PLEKHA1: variants seen among roughly 807,000 people sequenced by gnomAD.
The protein encoded by PLEKHA1 is pleckstrin homology domain-containing family A member 1.
Under a neutral mutation model 52.0 loss-of-function variants are expected in PLEKHA1, and 34 were observed. The observed-to-expected ratio is 0.65, with a 90% CI of 0.50 to 0.87. The LOEUF is 0.87. Among genes scored for constraint, PLEKHA1 ranks in the 40% least tolerant of loss-of-function variants. The pLI, the probability that PLEKHA1 is intolerant of heterozygous loss-of-function variation, is 0.00. For missense variants in PLEKHA1, 497 were observed against 504.2 expected (o/e 0.99, Z 0.14); for synonymous variants, 163 against 170.7 (o/e 0.95, Z 0.35).
Position 122,424,896 on chromosome 10 carries a change from C to A in PLEKHA1, c.747C>A (p.Ser249Arg). 1 of 1,605,596 alleles carries A rather than the reference C, an allele frequency of 6.2e-7. No individual in the cohort carries two copies. The highest frequency in any genetic ancestry group is 8.5e-7 in the Non-Finnish European group (1 of 1,176,174). ...EVHKVQECKQ[S>R]DIMMRDNLFE... Reference sequence around the variant, plus strand: ...ATAATTGGATTTTTTTTTCATACAGCGACATAATGATGAGGGACAACCTCT... The same window carrying A: ...ATAATTGGATTTTTTTTTCATACAGAGACATAATGATGAGGGACAACCTCT... Residue 249 changes from serine (S) to arginine (R), a missense_variant and splice_region_variant, in exon 10 of 12, where the codon AGC becomes AGA. Coordinates refer to ENST00000368990, the MANE Select transcript of PLEKHA1 (RefSeq NM_001001974.4).
chr10:122,430,218 T>C lies in PLEKHA1; in HGVS notation c.*280T>C. 2 of 277,668 alleles carry C rather than the reference T, an allele frequency of 7.2e-6. No individual in the cohort carries two copies. The highest frequency in any genetic ancestry group is 1.3e-5 in the Non-Finnish European group (2 of 150,418). The allele number at this position is 277,668 out of a possible 1,614,324, so 17.2% of individuals were successfully genotyped here. A position where few individuals can be genotyped will look rare whatever the true frequency, so the allele number is the denominator to read the frequency against. ...TCGGGTGGTAACAATGTATGTGTAATATTTTTTTCTTAGTGATTTTGACAG... is the reference window on the plus strand; with the variant it reads ...TCGGGTGGTAACAATGTATGTGTAACATTTTTTTCTTAGTGATTTTGACAG... On this transcript the variant is annotated 3_prime_UTR_variant, in exon 12 of 12. Transcript: ENST00000368990.
At chr10:122,425,713 C>CAAAA (rs11367637) in intron 10 of PLEKHA1, 4 of 99,272 alleles carry the variant, frequency 4.0e-5, no homozygotes, top group African/African-American at 1.2e-4. Flanking sequence ...GACCCTGTCT[C>CAAAA]AAAAAAAAAA....
intron 6 of PLEKHA1, among the ~76,000 whole-genome samples, chr10:122,414,892 G>GT (rs35904241): frequency 0.29 from 43,187 of 148,926 alleles, 7,216 homozygotes; most frequent in Admixed American, 0.38. Flanking sequence ...TTTATGTTTT[G>GT]TTTTTTTTTT....
At chr10:122,395,556 A>T (rs752100400) in intron 2 of PLEKHA1, among the ~76,000 whole-genome samples, 1 of 152,152 alleles carries the variant, frequency 6.6e-6, no homozygotes, top group Non-Finnish European at 1.5e-5. Flanking sequence ...ATTGAACCAT[A>T]TGAAATTGCT....
At position 122,392,105 on chromosome 10, in the gene PLEKHA1, G is replaced by A. The variant is rs1465208201; in HGVS notation, c.-20-1076G>A. Among the ~76,000 whole-genome samples, 3 of 152,276 alleles carry A rather than the reference G, an allele frequency of 2.0e-5. No individual in the cohort carries two copies. In the East Asian group the frequency reaches 5.8e-4, roughly 29 times the overall value. On this transcript the variant is annotated intron_variant, in intron 1 of 11. Transcript: ENST00000368990. The stretch of plus-strand genomic sequence containing the variant: ...CACATCAAGAAGGAATCACATGTCT[G>A]TAGTCTCTAGAGAAACAGTTCTTGG...
chr10:122,415,719 C>T, intron 6 of PLEKHA1, 140 bp from the exon 7 acceptor site: 1 of 806,870 alleles, frequency 1.2e-6, no homozygotes, highest in East Asian at 2.7e-5. Context: ...GAGTAAGTAT[C>T]TCAGATTAAT....
intron 2 of PLEKHA1, among the ~76,000 whole-genome samples, chr10:122,394,125 A>T: frequency 7.5e-6 from 1 of 133,010 alleles, no homozygotes; most frequent in African/African-American, 2.8e-5. Flanking sequence ...CCCAGGCTGG[A>T]ATGCAGCGGT....
intron 8 of PLEKHA1, chr10:122,418,302 G>A (rs1015766965): frequency 9.5e-6 from 2 of 210,656 alleles, no homozygotes; most frequent in African/African-American, 2.3e-5. Flanking sequence ...ACATGGGGAA[G>A]GGGTGGTGGC....
chr10:122,423,575 A>G (rs2421015), intron 8 of PLEKHA1: 7,424 of 152,394 alleles, frequency 0.049, 238 homozygotes, highest in East Asian at 0.14. Flanking sequence ...TACTAGAAAT[A>G]TGCTATTAGG....
intron 1 of PLEKHA1, among the ~76,000 whole-genome samples, chr10:122,390,826 C>CTGGA (rs57333050): frequency 0.48 from 72,317 of 151,438 alleles, 17,818 homozygotes; most frequent in East Asian, 0.62. Flanking sequence ...AGTAGAATGG[C>CTGGA]TGGATCATAT....
chr10:122,393,106 T>G lies in PLEKHA1; in HGVS notation c.-20-75T>G. 1.6e-6 allele frequency: 2 copies of G among 1,227,214 alleles called. No homozygotes were observed. The highest frequency in any genetic ancestry group is 2.2e-6 in the Non-Finnish European group (2 of 906,144). 76.0% of individuals were successfully genotyped at this position (1,227,214 alleles called of 1,614,324 possible). A position where few individuals can be genotyped will look rare whatever the true frequency, so the allele number is the denominator to read the frequency against. ...TAATGTTGGCAAGTTGCCCCCTCAT[T>G]GAACAGATTTGCAGTCCATGAGAAA... On this transcript the variant is annotated intron_variant, in intron 1 of 11. Coordinates refer to ENST00000368990, the MANE Select transcript of PLEKHA1 (RefSeq NM_001001974.4). The surrounding 1 kb of genome is among the most constrained non-coding windows in gnomAD (Gnocchi z 4.5).
At chr10:122,429,531 T>TG in intron 11 of PLEKHA1, 93 bp from the exon 12 acceptor site, 53 of 1,016,020 alleles carry the variant, frequency 5.2e-5, no homozygotes, top group Non-Finnish European at 6.4e-5. Context: ...TGTGTGTGTG[T>TG]TTTATTTGTT....
chr10:122,439,155 CTTTAA>C, the PLEKHA1 span: 81 of 152,270 alleles, frequency 5.3e-4, no homozygotes, highest in African/African-American at 1.8e-3. Context: ...TTTTATCCCT[CTTTAA>C]TTTGGTGAAA....
intron 4 of PLEKHA1, among the ~76,000 whole-genome samples, chr10:122,402,757 C>T (rs1002806990): frequency 6.6e-6 from 1 of 152,122 alleles, no homozygotes; most frequent in Admixed American, 6.5e-5. Context: ...GTGGTGTCTC[C>T]AGAAATAGAA....
At chr10:122,380,506 G>A (rs113641950) in intron 1 of PLEKHA1, among the ~76,000 whole-genome samples, 4 of 152,226 alleles carry the variant, frequency 2.6e-5, no homozygotes, top group African/African-American at 7.2e-5. Context: ...CACTGAGAAC[G>A]TGACTTTGAG....
chr10:122,412,924 C>G lies in PLEKHA1; in HGVS notation c.347C>G (p.Pro116Arg), dbSNP rs779147546. ...VLNKAIKITV[P>R]KQSDSQPNSD... ...TCATTTTATTTACTATTTCAGGTACCAAAGCAGTCAGACTCACAGCCTAAT... is the reference window on the plus strand; with the variant it reads ...TCATTTTATTTACTATTTCAGGTACGAAAGCAGTCAGACTCACAGCCTAAT... The change falls in exon 6 of 12, where the codon CCA becomes CGA. Residue 116 changes from proline (P) to arginine (R), a missense_variant. Transcript: ENST00000368990. The G allele has an allele frequency of 6.2e-7, 1 of 1,612,908 alleles. No homozygotes were observed. Among genetic ancestry groups the G allele is most frequent in the South Asian group, 1.1e-5 (1 of 90,962 alleles).
rs1376748547 is a variant in PLEKHA1, at chr10:122,431,096, TG to T, written c.*1159del. On this transcript the variant is annotated 3_prime_UTR_variant, in exon 12 of 12. Coordinates refer to ENST00000368990, the MANE Select transcript of PLEKHA1 (RefSeq NM_001001974.4). ...CTAAAGAATCTTTAGTTTCCGACGTTGAATTATAGACCAGTTTGAGTAAGTA... is the reference window on the plus strand; with the variant it reads ...CTAAAGAATCTTTAGTTTCCGACGTTAATTATAGACCAGTTTGAGTAAGTA... The T allele has an allele frequency of 1.3e-5, 2 of 152,080 alleles. No homozygotes were observed. Among genetic ancestry groups the T allele is most frequent in the Non-Finnish European group, 2.9e-5 (2 of 67,992 alleles). The allele number at this position is 152,080 out of a possible 1,614,324, so 9.4% of individuals were successfully genotyped here. A position where few individuals can be genotyped will look rare whatever the true frequency, so the allele number is the denominator to read the frequency against.
chr10:122,413,326 A>G (rs1027610945), intron 6 of PLEKHA1, among the ~76,000 whole-genome samples: 3 of 152,120 alleles, frequency 2.0e-5, no homozygotes, highest in African/African-American at 4.8e-5. Flanking sequence ...TTTCACTTGT[A>G]TCATGAACAT....
At chr10:122,429,494 T>TG in intron 11 of PLEKHA1, 130 bp from the exon 12 acceptor site, 2 of 655,038 alleles carry the variant, frequency 3.1e-6, no homozygotes, top group East Asian at 5.8e-5. Context: ...GCTGCTGCCT[T>TG]TGTGTGTGTG....
Sources: gnomAD v4.1 joint callset for allele counts (sites outside exome capture counted in the v4.1 genomes callset) on GRCh38, gnomAD v4.1.1 for gene constraint, Gnocchi (gnomAD v3.1) non-coding constraint, MANE v1.5 for transcripts, NCBI Gene and HGNC (gene_info 2026-07-23, HGNC 2026-07-21) for gene names.